ZNF69: variants seen among roughly 807,000 people sequenced by gnomAD.
The protein encoded by ZNF69 is ZNF3.
Under a neutral mutation model 50.9 loss-of-function variants are expected in ZNF69, and 47 were observed. The observed-to-expected ratio is 0.92, with a 90% CI of 0.73 to 1.18. ZNF69 has a LOEUF of 1.18. ZNF69 is among the 50% of genes most tolerant of loss of function. The probability of loss-of-function intolerance (pLI) is 0.00; values close to 1 mark genes in which losing one functional copy is unlikely to be tolerated. For missense variants in ZNF69, 717 were observed against 675.1 expected (o/e 1.06, Z -0.69); for synonymous variants, 216 against 223.1 (o/e 0.97, Z 0.29).
At chr19:11,961,432 T>A in the ZNF69 span, among the ~76,000 whole-genome samples, 1 of 152,194 alleles carries the variant, frequency 6.6e-6, no homozygotes, top group South Asian at 2.1e-4. Context: ...TAGCCTGAGC[T>A]AAGTCACCCC....
At chr19:11,948,916 A>G in the ZNF69 span, 14 of 1,606,868 alleles carry the variant, frequency 8.7e-6, no homozygotes, top group East Asian at 2.9e-4. Flanking sequence ...TAGACATGAA[A>G]GAAGTCACAT....
the ZNF69 span, among the ~76,000 whole-genome samples, chr19:11,931,399 C>T: frequency 6.8e-6 from 1 of 147,998 alleles, no homozygotes; most frequent in East Asian, 1.9e-4. Flanking sequence ...AAAGGATTTA[C>T]TCCTATGCTC....
chr19:11,942,453 C>T, the ZNF69 span, among the ~76,000 whole-genome samples: 1 of 152,148 alleles, frequency 6.6e-6, no homozygotes. Flanking sequence ...GTTTTTCTCC[C>T]TGGATTTGTA....
the ZNF69 span, among the ~76,000 whole-genome samples, chr19:11,934,468 C>G: frequency 1.3e-5 from 2 of 148,470 alleles, no homozygotes; most frequent in Admixed American, 6.6e-5. Flanking sequence ...ATTTTAGCTA[C>G]TGCACCAGGT....
the ZNF69 span, among the ~76,000 whole-genome samples, chr19:11,943,120 AT>A: frequency 6.6e-6 from 1 of 152,094 alleles, no homozygotes; most frequent in African/African-American, 2.4e-5. Flanking sequence ...TATTATTATT[AT>A]TTCTATTATA....
chr19:11,926,904 T>A, the ZNF69 span, among the ~76,000 whole-genome samples: 1 of 152,232 alleles, frequency 6.6e-6, no homozygotes, highest in African/African-American at 2.4e-5. Context: ...ACACAGACTC[T>A]AGGGAAATAG....
At chr19:11,967,505 C>T in the ZNF69 span, among the ~76,000 whole-genome samples, 4 of 151,972 alleles carry the variant, frequency 2.6e-5, no homozygotes, top group Non-Finnish European at 4.4e-5. Flanking sequence ...CCCGGGTTCA[C>T]GCCATTCTCC....
At chr19:11,967,861 G>A in the ZNF69 span, among the ~76,000 whole-genome samples, 1 of 152,210 alleles carries the variant, frequency 6.6e-6, no homozygotes, top group African/African-American at 2.4e-5. Context: ...GTGCCTACGT[G>A]CATGTGGGCT....
rs771420051 is a variant in ZNF69 at position 11,905,031 on chromosome 19, G to A, written c.634G>A (p.Val212Ile). The change falls in exon 4 of 4, where the codon GTA (valine) becomes ATA (isoleucine). Residue 212 changes from valine (V) to isoleucine (I), a missense_variant. By Grantham distance (29) the Val-to-Ile change is conservative (BLOSUM62 3). Transcript: ENST00000429654. ...CCATTCAAGCATTCAAAGACACGTGGTAATGCACAGTGGGGATGGACCTTA... is the reference window on the plus strand; with the variant it reads ...CCATTCAAGCATTCAAAGACACGTGATAATGCACAGTGGGGATGGACCTTA... ...ISHSSIQRHV[V>I]MHSGDGPYKC... The A allele has an allele frequency of 6.2e-7, 1 of 1,614,120 alleles. No homozygotes were observed. Among genetic ancestry groups the A allele is most frequent in the South Asian group, 1.1e-5 (1 of 91,076 alleles).
At chr19:11,927,104 G>A in the ZNF69 span, among the ~76,000 whole-genome samples, 1 of 152,298 alleles carries the variant, frequency 6.6e-6, no homozygotes, top group Non-Finnish European at 1.5e-5. Context: ...TGTAATCCAA[G>A]CACTTTGGGA....
chr19:11,979,326 G>T, the ZNF69 span: 590 of 1,604,754 alleles, frequency 3.7e-4, 2 homozygotes, highest in Middle Eastern at 2.8e-3. Context: ...ACCTTCGAAG[G>T]CATGGTAGGA....
chr19:11,940,844 G>C, the ZNF69 span, among the ~76,000 whole-genome samples: 1 of 152,026 alleles, frequency 6.6e-6, no homozygotes, highest in Non-Finnish European at 1.5e-5. Context: ...CCCCAGATTA[G>C]CTAGATACAG....
chr19:11,958,612 T>C, the ZNF69 span, among the ~76,000 whole-genome samples: 5,836 of 152,206 alleles, frequency 0.038, 206 homozygotes, highest in African/African-American at 0.09. Context: ...ACAAGGGTGT[T>C]AGTAGAAGTC....
the ZNF69 span, among the ~76,000 whole-genome samples, chr19:11,924,154 C>T: frequency 6.6e-6 from 1 of 152,016 alleles, no homozygotes; most frequent in Admixed American, 6.6e-5. Flanking sequence ...AATGTGTGGC[C>T]GGGCGCGGTG....
At chr19:11,913,633 C>T (rs1419560788) in exon 5 of ZNF69, 5 of 293,574 alleles carry the variant, frequency 1.7e-5, no homozygotes, top group Non-Finnish European at 2.5e-5. Context: ...TCATGATTCG[C>T]CTGCCTCGGC....
the ZNF69 span, among the ~76,000 whole-genome samples, chr19:11,974,255 G>A: frequency 9.5e-4 from 143 of 149,910 alleles, no homozygotes; most frequent in Middle Eastern, 3.5e-3. Flanking sequence ...GGAGTGCAAT[G>A]GCATGATCTC....
chr19:11,927,422 T>TTAAATAAA, the ZNF69 span, among the ~76,000 whole-genome samples: 4,369 of 143,076 alleles, frequency 0.031, 86 homozygotes, highest in Middle Eastern at 0.039. Context: ...CTGTCTCTAT[T>TTAAATAAA]TAAATAAATA....
chr19:11,908,566 A>G (rs1386447221), downstream of ZNF69, among the ~76,000 whole-genome samples: 1 of 152,236 alleles, frequency 6.6e-6, no homozygotes, highest in African/African-American at 2.4e-5. Context: ...CTGCTCCTGA[A>G]TGACTACTGG....
At chr19:11,935,877 G>A in the ZNF69 span, among the ~76,000 whole-genome samples, 1 of 152,228 alleles carries the variant, frequency 6.6e-6, no homozygotes, top group Non-Finnish European at 1.5e-5. Context: ...CCCCTGACAG[G>A]CCCCGGTGTG....
Sources: allele counts gnomAD v4.1 joint callset (sites outside exome capture counted in the v4.1 genomes callset), GRCh38; gene constraint gnomAD v4.1.1; transcripts MANE v1.5; gene names NCBI Gene and HGNC (gene_info 2026-07-23, HGNC 2026-07-21).